Variants in PRR16 observed in about 807,000 individuals in gnomAD.
The protein encoded by PRR16 is protein Largen.
Under a neutral mutation model 18.2 loss-of-function variants are expected in PRR16, and 6 were observed. The observed-to-expected ratio is 0.33, with a 90% CI of 0.18 to 0.65. The LOEUF (loss-of-function observed/expected upper bound fraction) is 0.65. PRR16 is among the 30% of genes least tolerant of loss of function. PRR16 has a pLI of 0.74. For synonymous variants in PRR16, 151 were observed against 147.8 expected (o/e 1.02, Z -0.16); for missense variants, 412 against 376.6 (o/e 1.09, Z -0.78).
chr5:120,645,242 A>C (rs1200800434), intron 1 of PRR16, among the ~76,000 whole-genome samples: 1 of 152,008 alleles, frequency 6.6e-6, no homozygotes. Context: ...CGTATGTGTT[A>C]CAATATCACA....
chr5:120,510,166 C>A (rs1750784802), intron 1 of PRR16, among the ~76,000 whole-genome samples: 1 of 152,180 alleles, frequency 6.6e-6, no homozygotes, highest in African/African-American at 2.4e-5. Context: ...TTAACTTACT[C>A]TGACTTAGTG....
the PRR16 span, among the ~76,000 whole-genome samples, chr5:120,715,629 C>T: frequency 6.6e-6 from 1 of 152,040 alleles, no homozygotes; most frequent in Non-Finnish European, 1.5e-5. Flanking sequence ...TTATTTTGCC[C>T]TATAATAGCC....
chr5:120,618,296 T>G (rs888150977), intron 1 of PRR16: 10 of 181,450 alleles, frequency 5.5e-5, no homozygotes, highest in Non-Finnish European at 8.4e-5. Flanking sequence ...AACACTCTAT[T>G]TGAATGAATT....
chr5:120,610,999 G>A (rs1182163483), intron 1 of PRR16, among the ~76,000 whole-genome samples: 1 of 152,172 alleles, frequency 6.6e-6, no homozygotes, highest in East Asian at 1.9e-4. Context: ...CAAAATTCAG[G>A]CTGAGGTGGT....
At position 120,512,001 on chromosome 5, in the gene PRR16, A is replaced by G. The variant is rs189535978; in HGVS notation, c.159+47356A>G. ...TCTAAGCTCCACAGTTAAATTATTC[A>G]GCTCTATCATTCACCCTTGCAATTA... On this transcript the variant is annotated intron_variant, in intron 1 of 1. Coordinates refer to ENST00000407149, the MANE Select transcript of PRR16 (RefSeq NM_001300783.2). 2.0e-5 allele frequency among the ~76,000 whole-genome samples: 3 copies of G among 152,324 alleles called. No individual in the cohort carries two copies. The East Asian group carries it at 5.8e-4, about 29-fold the overall frequency.
At chr5:120,548,314 A>G (rs1379693242) in intron 1 of PRR16, among the ~76,000 whole-genome samples, 2 of 152,096 alleles carry the variant, frequency 1.3e-5, no homozygotes, top group Admixed American at 1.3e-4. Context: ...AGATATGTCA[A>G]TGTTTTCTAT....
intron 1 of PRR16, among the ~76,000 whole-genome samples, chr5:120,519,951 T>C (rs370577934): frequency 2.0e-5 from 3 of 152,128 alleles, no homozygotes; most frequent in East Asian, 3.8e-4. Context: ...ATTTTTTTTT[T>C]AGTTTGATAC....
chr5:120,683,476 TG>T (rs1757032176), intron 1 of PRR16, among the ~76,000 whole-genome samples: 1 of 141,112 alleles, frequency 7.1e-6, no homozygotes. Context: ...CACTCCAGCC[TG>T]GGCGACAGTG....
At chr5:120,464,759 A>C in intron 1 of PRR16, 114 bp downstream of exon 1, 1 of 1,162,572 alleles carries the variant, frequency 8.6e-7, no homozygotes, top group Non-Finnish European at 1.2e-6. Flanking sequence ...AACTACAGAA[A>C]AGGCGCCTGC....
chr5:120,770,519 G>C, the PRR16 span, among the ~76,000 whole-genome samples: 1 of 151,916 alleles, frequency 6.6e-6, no homozygotes, highest in South Asian at 2.1e-4. Flanking sequence ...TCTTGGCAAT[G>C]ATTTATTACT....
chr5:120,634,993 C>T (rs1580812921), intron 1 of PRR16, among the ~76,000 whole-genome samples: 1 of 152,082 alleles, frequency 6.6e-6, no homozygotes, highest in Non-Finnish European at 1.5e-5. Flanking sequence ...AACATCTTTA[C>T]ATACATAAAC....
At chr5:120,704,804 T>C in the PRR16 span, among the ~76,000 whole-genome samples, 1 of 152,192 alleles carries the variant, frequency 6.6e-6, no homozygotes, top group Non-Finnish European at 1.5e-5. Flanking sequence ...CTGTTATTAT[T>C]TTATCCTAAT....
At chr5:120,748,521 C>G in the PRR16 span, among the ~76,000 whole-genome samples, 1 of 151,574 alleles carries the variant, frequency 6.6e-6, no homozygotes, top group African/African-American at 2.4e-5. Context: ...GTGAAAAAAA[C>G]AGGCATTAAT....
intron 1 of PRR16, among the ~76,000 whole-genome samples, chr5:120,637,078 A>G (rs1244418914): frequency 6.6e-6 from 1 of 152,106 alleles, no homozygotes; most frequent in Non-Finnish European, 1.5e-5. Flanking sequence ...CAAAACCACA[A>G]TGCCATACCA....
chr5:120,649,571 C>T (rs1755707376), intron 1 of PRR16, among the ~76,000 whole-genome samples: 1 of 152,056 alleles, frequency 6.6e-6, no homozygotes, highest in African/African-American at 2.4e-5. Flanking sequence ...GTAGCTCCAG[C>T]CTATGGCCAT....
At position 120,667,240 on chromosome 5, in the gene PRR16, G is replaced by A. The variant is rs376903489; in HGVS notation, c.160-18714G>A. Among the ~76,000 whole-genome samples the A allele has an allele frequency of 4.2e-3, 644 of 152,160 alleles. 2 individuals carry two copies. The highest frequency in any genetic ancestry group is 7.0e-3 in the Non-Finnish European group (479 of 67,990). The stretch of plus-strand genomic sequence containing the variant: ...CATTTAGATTTTCTAGTTTATTTGC[G>A]TAGAGGTGTTTGTAGTATTCTCTGA... On this transcript the variant is annotated intron_variant, in intron 1 of 1. Coordinates refer to ENST00000407149, the MANE Select transcript of PRR16 (RefSeq NM_001300783.2).
intron 1 of PRR16, among the ~76,000 whole-genome samples, chr5:120,524,000 C>G (rs1031488021): frequency 1.3e-5 from 2 of 152,126 alleles, no homozygotes; most frequent in Non-Finnish European, 2.9e-5. Context: ...GAACTTGGCT[C>G]TGCCTTTTCC....
chr5:120,658,504 ATAAT>A (rs1756063291), intron 1 of PRR16: 1 of 151,946 alleles, frequency 6.6e-6, no homozygotes, highest in Non-Finnish European at 1.5e-5. Flanking sequence ...TCCAAATAAT[ATAAT>A]TAAATAAATT....
the PRR16 span, among the ~76,000 whole-genome samples, chr5:120,777,821 T>C: frequency 6.6e-6 from 1 of 152,206 alleles, no homozygotes; most frequent in African/African-American, 2.4e-5. Flanking sequence ...AAATTAAAAA[T>C]GTGGAAATCA....
Sources: gnomAD v4.1 joint callset for allele counts (sites outside exome capture counted in the v4.1 genomes callset) on GRCh38, gnomAD v4.1.1 for gene constraint, MANE v1.5 for transcripts, NCBI Gene and HGNC (gene_info 2026-07-23, HGNC 2026-07-21) for gene names.